The following C2CD3 variants were observed in gnomAD, a reference collection of about 807,000 sequenced individuals.
C2CD3 encodes C2 domain-containing protein 3.
C2CD3 carries 148 observed loss-of-function variants against 234.0 expected under a neutral mutation model. The observed-to-expected ratio is 0.63, with a 90% confidence interval of 0.55 to 0.72. The LOEUF (loss-of-function observed/expected upper bound fraction) is 0.72, where lower values mean the gene tolerates loss of function less well. C2CD3 is among the 30% of genes least tolerant of loss of function. The probability of loss-of-function intolerance (pLI) is 0.00; values close to 1 mark genes in which losing one functional copy is unlikely to be tolerated. For synonymous variants in C2CD3, 1,000 were observed against 1,035.4 expected, an observed-to-expected ratio of 0.97 and a Z score of 0.66; for missense variants, 2,577 against 2,811.5, an observed-to-expected ratio of 0.92 and a Z score of 1.89.
intron 9 of C2CD3, among the ~76,000 whole-genome samples, chr11:74,116,880 A>G (rs1250872260): frequency 7.5e-6 from 1 of 132,634 alleles, no homozygotes; most frequent in Non-Finnish European, 1.6e-5. Flanking sequence ...ATATGTATAT[A>G]TACACACGTG....
intron 7 of C2CD3, among the ~76,000 whole-genome samples, chr11:74,124,470 T>A (rs1957334490): frequency 6.6e-6 from 1 of 152,134 alleles, no homozygotes; most frequent in Admixed American, 6.5e-5. Flanking sequence ...GCATTTCAGA[T>A]CCCTGGCCTC....
intron 11 of C2CD3, among the ~76,000 whole-genome samples, chr11:74,111,257 T>C (rs1956731186): frequency 6.6e-6 from 1 of 152,150 alleles, no homozygotes; most frequent in Non-Finnish European, 1.5e-5. Flanking sequence ...AAAGGCAAGG[T>C]GCAGAACCAT....
chr11:74,170,930 A>C lies in C2CD3; in HGVS notation c.-138T>G. The stretch of plus-strand genomic sequence containing the variant: ...GCAGCCTGGGAGGCAGGAAAAAGCG[A>C]CTCTTCCTCTAACAGTCTCCGGAAA... On this transcript the variant is annotated 5_prime_UTR_variant, in exon 1 of 33. Transcript: ENST00000334126. 2 of 1,516,796 alleles carry C rather than the reference A, an allele frequency of 1.3e-6. No homozygotes were observed. The highest frequency in any genetic ancestry group is 2.3e-5 in the Admixed American group (1 of 42,624). The allele number at this position is 1,516,796 out of a possible 1,614,324, so 94.0% of individuals were successfully genotyped here.
chr11:74,124,872 TTTTA>T (rs756297232), intron 7 of C2CD3, among the ~76,000 whole-genome samples: 2 of 152,222 alleles, frequency 1.3e-5, no homozygotes, highest in African/African-American at 2.4e-5. Context: ...CTTTTCCACT[TTTTA>T]CTCTTTTTTG....
At chr11:74,099,615 G>T in intron 15 of C2CD3, among the ~76,000 whole-genome samples, 1 of 152,118 alleles carries the variant, frequency 6.6e-6, no homozygotes, top group Admixed American at 6.5e-5. Context: ...GAACAGTTTA[G>T]GCTGGGCGCG....
At position 74,033,540 on chromosome 11, in the gene C2CD3, G is replaced by C; in HGVS notation, c.6620C>G (p.Ala2207Gly). ...TDQNKEPKSEAPAENEAATSE... is the reference protein window; with the variant it reads ...TDQNKEPKSEGPAENEAATSE... ...GGTGGCAGCTTCATTCTCAGCTGGG[G>C]CCTCTGACTTGGGCTCCTTGTTCTG... Residue 2207 changes from alanine (A) to glycine (G), a missense_variant, in exon 31 of 33, where the codon GCC (alanine) becomes GGC (glycine). By Grantham distance (60) the Ala-to-Gly change is moderately conservative (BLOSUM62 0). Transcript: ENST00000334126. 1 of 1,536,176 alleles carries C rather than the reference G, an allele frequency of 6.5e-7. No individual in the cohort carries two copies. Among genetic ancestry groups the C allele is most frequent in the Non-Finnish European group, 8.7e-7 (1 of 1,146,904 alleles).
chr11:74,084,868 C>G lies in C2CD3; in HGVS notation c.4000+13G>C. On this transcript the variant is annotated intron_variant, in intron 22 of 32. Transcript: ENST00000334126. ...AAGGGTGGCATCAGAAAGTGATAAT[C>G]CAGGATCCTTACCAGATCTCTTGAT... 2 of 1,535,122 alleles carry G rather than the reference C, an allele frequency of 1.3e-6. No homozygotes were observed. The highest frequency in any genetic ancestry group is 1.8e-6 in the Non-Finnish European group (2 of 1,108,332).
intron 3 of C2CD3, among the ~76,000 whole-genome samples, chr11:74,157,635 T>C (rs1198413806): frequency 1.3e-5 from 2 of 152,226 alleles, no homozygotes; most frequent in African/African-American, 4.8e-5. Flanking sequence ...TTAGATGTTT[T>C]TTCCTTATCC....
At chr11:74,029,439 G>C (rs533516776) in intron 31 of C2CD3, among the ~76,000 whole-genome samples, 15 of 152,342 alleles carry the variant, frequency 9.8e-5, no homozygotes, top group African/African-American at 3.6e-4. Flanking sequence ...TCTTGTGAAT[G>C]AATGAAATGC....
chr11:74,105,381 G>C (rs577669201), intron 13 of C2CD3, among the ~76,000 whole-genome samples: 57 of 151,774 alleles, frequency 3.8e-4, no homozygotes, highest in Middle Eastern at 3.4e-3. Flanking sequence ...AACGATTTTT[G>C]TGTCTCAGCC....
chr11:74,142,272 A>G (rs538443712), intron 3 of C2CD3: 1 of 152,416 alleles, frequency 6.6e-6, no homozygotes. Context: ...AAACCAAGAA[A>G]GAAGGCACAC....
intron 3 of C2CD3, among the ~76,000 whole-genome samples, chr11:74,158,469 T>C (rs185036954): frequency 2.0e-5 from 3 of 152,234 alleles, no homozygotes; most frequent in Admixed American, 6.5e-5. Context: ...ACATCTATAA[T>C]CCCAGCACTT....
intron 3 of C2CD3, chr11:74,142,170 GGCAAAAACCTTA>G (rs1455244922): frequency 6.6e-6 from 1 of 152,108 alleles, no homozygotes; most frequent in Non-Finnish European, 1.5e-5. Flanking sequence ...CTAGTGCTTT[GGCAAAAACCTTA>G]GATATGGTTG....
chr11:74,076,113 G>A (rs368016826), intron 23 of C2CD3, among the ~76,000 whole-genome samples: 1 of 152,226 alleles, frequency 6.6e-6, no homozygotes, highest in East Asian at 1.9e-4. Context: ...TTTAGTTTAA[G>A]TGAACTTGGT....
chr11:74,031,795 T>A (rs1379480008), intron 31 of C2CD3, among the ~76,000 whole-genome samples: 2 of 152,200 alleles, frequency 1.3e-5, no homozygotes, highest in African/African-American at 4.8e-5. Flanking sequence ...GGCCATATTC[T>A]GAGCACAATT....
At chr11:74,044,733 G>A (rs2135424957) in intron 28 of C2CD3, among the ~76,000 whole-genome samples, 1 of 152,048 alleles carries the variant, frequency 6.6e-6, no homozygotes, top group African/African-American at 2.4e-5. Flanking sequence ...GTAGTCCCTA[G>A]TTTCTTTTGT....
chr11:74,092,726 G>T (rs1184482252), intron 18 of C2CD3, 138 bp from the exon 19 acceptor site: 1 of 649,450 alleles, frequency 1.5e-6, no homozygotes, highest in East Asian at 2.8e-5. Flanking sequence ...TATGGTGTCT[G>T]GCTAAATTTA....
intron 29 of C2CD3, among the ~76,000 whole-genome samples, chr11:74,040,560 GCC>G (rs1952986189): frequency 6.6e-6 from 1 of 151,878 alleles, no homozygotes; most frequent in Non-Finnish European, 1.5e-5. Context: ...TTTGAGACCA[GCC>G]TGGCCAACAT....
At chr11:74,036,361 C>A in intron 30 of C2CD3, 2 of 444,456 alleles carry the variant, frequency 4.5e-6, no homozygotes, top group South Asian at 1.6e-5. Context: ...CTTCCTGGGA[C>A]AAATAACAGA....
Sources: allele counts gnomAD v4.1 joint callset (sites outside exome capture counted in the v4.1 genomes callset), GRCh38; gene constraint gnomAD v4.1.1; transcripts MANE v1.5; gene names NCBI Gene and HGNC (gene_info 2026-07-23, HGNC 2026-07-21).